Variants in SEMA3A observed in about 807,000 individuals in gnomAD.
The protein encoded by SEMA3A is semaphorin 3A.
A neutral mutation model predicts 97.9 loss-of-function variants in SEMA3A; 29 were observed. The ratio of observed to expected loss-of-function variants is 0.30; its 90% CI spans 0.22 to 0.40. The LOEUF is 0.40. SEMA3A is among the 10% of genes least tolerant of loss of function. The pLI is 1.00. For synonymous variants in SEMA3A, 321 were observed against 323.7 expected, an observed-to-expected ratio of 0.99 and a Z score of 0.09; for missense variants, 763 against 951.3, an observed-to-expected ratio of 0.80 and a Z score of 2.60.
chr7:84,424,368 T>C (rs1007286212), intron 1 of SEMA3A, among the ~76,000 whole-genome samples: 6 of 138,118 alleles, frequency 4.3e-5, no homozygotes, highest in Non-Finnish European at 7.6e-5. Context: ...TATAAAATAA[T>C]AATATAATAT....
At chr7:84,324,807 C>G (rs1801732911) in intron 2 of SEMA3A, among the ~76,000 whole-genome samples, 1 of 151,908 alleles carries the variant, frequency 6.6e-6, no homozygotes, top group Non-Finnish European at 1.5e-5. Flanking sequence ...AAAAAAAAGA[C>G]CAGACTACAG....
At chr7:84,026,500 T>C (rs962933600) in intron 6 of SEMA3A, among the ~76,000 whole-genome samples, 2 of 152,206 alleles carry the variant, frequency 1.3e-5, no homozygotes. Context: ...ACTAGGTATA[T>C]ACCAAGAAGA....
chr7:83,966,427 G>A (rs1178399853), intron 15 of SEMA3A, among the ~76,000 whole-genome samples: 1 of 152,046 alleles, frequency 6.6e-6, no homozygotes, highest in Non-Finnish European at 1.5e-5. Flanking sequence ...GGTTAATTTG[G>A]TTTATGAGCT....
chr7:84,350,168 T>C (rs901775511), intron 2 of SEMA3A, among the ~76,000 whole-genome samples: 5 of 152,158 alleles, frequency 3.3e-5, no homozygotes, highest in Non-Finnish European at 7.4e-5. Flanking sequence ...TAACCTCTAT[T>C]GTTTAGATTA....
intron 6 of SEMA3A, among the ~76,000 whole-genome samples, chr7:84,038,480 A>G (rs1792022410): frequency 6.6e-6 from 1 of 152,114 alleles, no homozygotes; most frequent in Admixed American, 6.5e-5. Flanking sequence ...TGATTCTCGT[A>G]ACAACCAAAT....
At chr7:84,337,964 C>T (rs1404726329) in intron 2 of SEMA3A, among the ~76,000 whole-genome samples, 3 of 151,994 alleles carry the variant, frequency 2.0e-5, no homozygotes, top group African/African-American at 7.2e-5. Context: ...TGGTCAGGGA[C>T]AGAAAGTCTT....
At chr7:84,092,223 C>A (rs2527038) in intron 4 of SEMA3A, among the ~76,000 whole-genome samples, 139,864 of 152,230 alleles carry the variant, frequency 0.92, 64,332 homozygotes, top group East Asian at 0.96. Flanking sequence ...GAGGAAGATA[C>A]AAAGCAATTT....
intron 3 of SEMA3A, among the ~76,000 whole-genome samples, chr7:84,210,646 G>A (rs573518479): frequency 3.3e-5 from 5 of 152,224 alleles, no homozygotes; most frequent in African/African-American, 1.2e-4. Context: ...TTTAGAAAAC[G>A]GAATATGGTT....
intron 10 of SEMA3A, among the ~76,000 whole-genome samples, chr7:84,006,598 A>G (rs1481245080): frequency 6.6e-6 from 1 of 152,162 alleles, no homozygotes; most frequent in Non-Finnish European, 1.5e-5. Context: ...TCCTTTCACT[A>G]TATTTATTGA....
At chr7:84,309,140 C>T (rs193223799) in intron 2 of SEMA3A, among the ~76,000 whole-genome samples, 71 of 151,984 alleles carry the variant, frequency 4.7e-4, no homozygotes, top group African/African-American at 1.4e-3. Flanking sequence ...TTTTAAAAGC[C>T]GGTGTGTGAT....
At chr7:84,285,077 G>T (rs148519963) in intron 3 of SEMA3A, among the ~76,000 whole-genome samples, 237 of 152,112 alleles carry the variant, frequency 1.6e-3, no homozygotes, top group African/African-American at 5.5e-3. Context: ...TGTAACCAAA[G>T]ATTTATTTTA....
chr7:84,407,460 C>T lies in SEMA3A; in HGVS notation c.-245-35560G>A, dbSNP rs181201271. Among the ~76,000 whole-genome samples the T allele has an allele frequency of 1.6e-4, 24 of 152,132 alleles. No individual in the cohort carries two copies. In the East Asian group the frequency reaches 3.5e-3, roughly 22 times the overall value. On this transcript the variant is annotated intron_variant, in intron 1 of 3. Coordinates refer to the SEMA3A transcript ENST00000424555. ...GAAGAATCAATATCGTGAAAATGGT[C>T]ATACTGCCCAAGGTAATTTATAGAT... is the stretch of plus-strand genomic sequence containing the variant.
At chr7:84,114,196 T>C (rs1252512726) in intron 3 of SEMA3A, among the ~76,000 whole-genome samples, 1 of 152,172 alleles carries the variant, frequency 6.6e-6, no homozygotes, top group East Asian at 1.9e-4. Flanking sequence ...ATAATTATAC[T>C]TTCTACAAAA....
chr7:84,194,421 A>AGGGG lies in SEMA3A; in HGVS notation c.112+50_112+53dup, dbSNP rs67227861. 3.5e-6 allele frequency: 4 copies of AGGGG among 1,138,486 alleles called. No homozygotes were observed. The African/African-American group carries it at 4.7e-5, about 13-fold the overall frequency. The allele number at this position is 1,138,486 out of a possible 1,614,324, so 70.5% of individuals were successfully genotyped here. A position where few individuals can be genotyped will look rare whatever the true frequency, so the allele number is the denominator to read the frequency against. ...GGTTGGGAGGGAGTTCAAGGAATTA[A>AGGGG]GGGGGGGGGCGGTTATTACAAAGCT... On this transcript the variant is annotated intron_variant, in intron 1 of 16. Transcript: ENST00000265362.
At chr7:84,164,349 G>A (rs1489929048) in intron 1 of SEMA3A, among the ~76,000 whole-genome samples, 12 of 152,016 alleles carry the variant, frequency 7.9e-5, no homozygotes, top group Admixed American at 7.9e-4. Flanking sequence ...GATATTTTTA[G>A]TCTCCAAAAT....
intron 3 of SEMA3A, among the ~76,000 whole-genome samples, chr7:84,247,297 C>T (rs1799497328): frequency 6.6e-6 from 1 of 152,128 alleles, no homozygotes; most frequent in African/African-American, 2.4e-5. Flanking sequence ...ACTTCCACTT[C>T]ACAGAATATG....
At chr7:84,118,958 G>C (rs146393482) in intron 3 of SEMA3A, among the ~76,000 whole-genome samples, 1 of 152,250 alleles carries the variant, frequency 6.6e-6, no homozygotes, top group African/African-American at 2.4e-5. Flanking sequence ...TACAGCCATA[G>C]ACTAGCTCAT....
At chr7:84,121,297 C>G (rs543296217) in intron 3 of SEMA3A, among the ~76,000 whole-genome samples, 8 of 152,114 alleles carry the variant, frequency 5.3e-5, no homozygotes. Flanking sequence ...TGCCATGTTG[C>G]TGTGCTGCAC....
rs201434506 is a variant in SEMA3A at position 83,985,413 on chromosome 7, A to T, written c.1494+23T>A. Reference sequence around the variant, plus strand: ...GAATTAACAAAATATTGGATATTCAATGGTAATACATAATGATAGTACCTG... The same window carrying T: ...GAATTAACAAAATATTGGATATTCATTGGTAATACATAATGATAGTACCTG... On this transcript the variant is annotated intron_variant, in intron 13 of 16. Transcript: ENST00000265362. 34 of 1,549,576 alleles carry T rather than the reference A, an allele frequency of 2.2e-5. No homozygotes were observed. The Admixed American group carries it at 5.7e-4, about 26-fold the overall frequency.
Sources: allele counts gnomAD v4.1 joint callset (sites outside exome capture counted in the v4.1 genomes callset), GRCh38; gene constraint gnomAD v4.1.1; transcripts MANE v1.5; gene names NCBI Gene and HGNC (gene_info 2026-07-23, HGNC 2026-07-21).